The following FAM81A variants were observed in gnomAD, a reference collection of about 807,000 sequenced individuals.
FAM81A encodes protein FAM81A.
A neutral mutation model predicts 46.7 loss-of-function variants in FAM81A; 19 were observed. The ratio of observed to expected loss-of-function variants is 0.41; its 90% confidence interval spans 0.28 to 0.60. FAM81A has a LOEUF of 0.60. Among genes scored for constraint, FAM81A ranks in the 20% least tolerant of loss-of-function variants. The probability of loss-of-function intolerance (pLI) is 0.34; values close to 1 mark genes in which losing one functional copy is unlikely to be tolerated. For missense variants in FAM81A, 377 were observed against 453.5 expected, an observed-to-expected ratio of 0.83 and a Z score of 1.53; for synonymous variants, 183 against 152.9, an observed-to-expected ratio of 1.20 and a Z score of -1.45.
At chr15:59,481,051 G>C (rs2081843931) in intron 3 of FAM81A, among the ~76,000 whole-genome samples, 1 of 152,094 alleles carries the variant, frequency 6.6e-6, no homozygotes, top group African/African-American at 2.4e-5. Context: ...CTGGAGTGCA[G>C]TTGTGGGAAC....
At chr15:59,421,141 G>A (rs879287938) in intron 2 of FAM81A, among the ~76,000 whole-genome samples, 15 of 152,186 alleles carry the variant, frequency 9.9e-5, no homozygotes, top group Non-Finnish European at 1.8e-4. Context: ...TGCAGATTCT[G>A]ATCCTGTAGA....
At chr15:59,510,582 C>CAG (rs1282017061) in intron 6 of FAM81A, among the ~76,000 whole-genome samples, 9 of 151,670 alleles carry the variant, frequency 5.9e-5, no homozygotes, top group African/African-American at 1.7e-4. Flanking sequence ...GTCTGATTGT[C>CAG]AGCCAGTGGA....
At chr15:59,436,464 CAG>C (rs756660476), upstream of FAM81A, among the ~76,000 whole-genome samples, 19 of 152,074 alleles carry the variant, frequency 1.2e-4, no homozygotes, top group Admixed American at 3.9e-4. Context: ...AGAAACAAGA[CAG>C]AGGGGACGTT....
intron 5 of FAM81A, 123 bp downstream of exon 5, chr15:59,507,465 C>G (rs896514385): frequency 4.1e-5 from 52 of 1,283,870 alleles, no homozygotes; most frequent in Non-Finnish European, 4.0e-5. Flanking sequence ...TTATGCCAAT[C>G]ATAAGCATCT....
intron 3 of FAM81A, among the ~76,000 whole-genome samples, chr15:59,466,108 C>A (rs183317451): frequency 6.6e-6 from 1 of 152,282 alleles, no homozygotes; most frequent in Admixed American, 6.5e-5. Context: ...CAGTCTATCA[C>A]TGATGGACAT....
intron 8 of FAM81A, among the ~76,000 whole-genome samples, chr15:59,520,360 T>C (rs2082314878): frequency 6.6e-6 from 1 of 152,166 alleles, no homozygotes; most frequent in African/African-American, 2.4e-5. Context: ...TAACTCATTG[T>C]GGTTTTAATT....
At chr15:59,444,172 G>A (rs1343651197) in intron 1 of FAM81A, 2 of 152,210 alleles carry the variant, frequency 1.3e-5, no homozygotes, top group African/African-American at 2.4e-5. Context: ...GCACTGTAGA[G>A]GCTCAATGAA....
chr15:59,508,887 G>T lies in FAM81A; in HGVS notation c.568G>T (p.Asp190Tyr). 2 of 1,613,098 alleles carry T rather than the reference G, an allele frequency of 1.2e-6. No individual in the cohort carries two copies. The highest frequency in any genetic ancestry group is 2.2e-5 in the South Asian group (2 of 90,972). The change falls in exon 6 of 9, where the codon GAC (aspartate) becomes TAC (tyrosine). Residue 190 changes from aspartate to tyrosine, a missense_variant. By Grantham distance (160) the Asp-to-Tyr change is radical. Transcript: ENST00000288228. ...GQISQLLNRV[D>Y]LSISEQSTKL... ...GATTTCTCAGCTTTTGAACAGAGTG[G>T]ACTTGTCAATATCAGAGCAGAGCAC...
chr15:59,448,108 G>A (rs867996138), intron 1 of FAM81A, among the ~76,000 whole-genome samples: 1 of 152,184 alleles, frequency 6.6e-6, no homozygotes, highest in Non-Finnish European at 1.5e-5. Flanking sequence ...TGGGAGTGGT[G>A]GCTCAGGCCT....
chr15:59,499,187 C>T (rs2082065134), intron 4 of FAM81A, among the ~76,000 whole-genome samples: 1 of 152,104 alleles, frequency 6.6e-6, no homozygotes, highest in Non-Finnish European at 1.5e-5. Flanking sequence ...AATTTGCATT[C>T]TTGAAATAAA....
chr15:59,477,262 A>C (rs4775173), intron 3 of FAM81A, among the ~76,000 whole-genome samples: 118,676 of 152,148 alleles, frequency 0.78, 46,463 homozygotes, highest in East Asian at 0.86. Flanking sequence ...TTATTTATAG[A>C]TTCTTGAAGA....
intron 1 of FAM81A, chr15:59,401,890 C>T (rs1347315227): frequency 1.3e-6 from 1 of 762,282 alleles, no homozygotes; most frequent in Non-Finnish European, 2.4e-6. Context: ...ATTTTCTTTG[C>T]CTTCTTTGAA....
At chr15:59,467,980 TCA>T in intron 3 of FAM81A, among the ~76,000 whole-genome samples, 1 of 152,232 alleles carries the variant, frequency 6.6e-6, no homozygotes, top group Non-Finnish European at 1.5e-5. Context: ...GTGGGTTTTG[TCA>T]TTGGTTCTGT....
At chr15:59,486,354 A>T (rs2081917012) in intron 3 of FAM81A, among the ~76,000 whole-genome samples, 1 of 152,154 alleles carries the variant, frequency 6.6e-6, no homozygotes, top group African/African-American at 2.4e-5. Flanking sequence ...AGAGGAGACA[A>T]AAAAAGAATG....
intron 1 of FAM81A, among the ~76,000 whole-genome samples, chr15:59,444,503 A>G (rs1016845931): frequency 2.0e-5 from 3 of 152,242 alleles, no homozygotes; most frequent in African/African-American, 4.8e-5. Context: ...CATATTAAAA[A>G]TGGCCCATCT....
At chr15:59,433,187 G>A (rs1398009360), upstream of FAM81A, among the ~76,000 whole-genome samples, 1 of 61,542 alleles carries the variant, frequency 1.6e-5, no homozygotes. Flanking sequence ...GCTGGGTGCA[G>A]TGACTCACGC....
At chr15:59,492,189 A>G in intron 3 of FAM81A, 82 bp from the exon 4 acceptor site, 1 of 1,018,742 alleles carries the variant, frequency 9.8e-7, no homozygotes, top group Non-Finnish European at 1.5e-6. Context: ...AAACATTCTT[A>G]TTTTTGCCAA....
chr15:59,417,493 G>A (rs1282374547), intron 2 of FAM81A, among the ~76,000 whole-genome samples: 2 of 151,780 alleles, frequency 1.3e-5, no homozygotes, highest in Non-Finnish European at 2.9e-5. Context: ...GTCACTTGAG[G>A]TCAGGAGTTC....
At chr15:59,461,864 A>G (rs1469477460) in intron 3 of FAM81A, among the ~76,000 whole-genome samples, 2 of 152,142 alleles carry the variant, frequency 1.3e-5, no homozygotes, top group African/African-American at 4.8e-5. Context: ...GTAAATTACT[A>G]GGAGTAGAAT....
Sources: allele counts gnomAD v4.1 joint callset (sites outside exome capture counted in the v4.1 genomes callset), GRCh38; gene constraint gnomAD v4.1.1; transcripts MANE v1.5; gene names NCBI Gene and HGNC (gene_info 2026-07-23, HGNC 2026-07-21).